The following NPAS2 variants were observed in gnomAD, a reference collection of about 807,000 sequenced individuals.
The protein encoded by NPAS2 is neuronal PAS domain-containing protein 2.
Under a neutral mutation model 107.5 loss-of-function variants are expected in NPAS2, and 23 were observed. The ratio of observed to expected loss-of-function variants is 0.21; its 90% CI spans 0.15 to 0.30. The LOEUF (loss-of-function observed/expected upper bound fraction) is 0.30, where lower values mean the gene tolerates loss of function less well. Among genes scored for constraint, NPAS2 ranks in the 10% least tolerant of loss-of-function variants. The pLI is 1.00. For missense variants in NPAS2, 756 were observed against 1,043.3 expected, an observed-to-expected ratio of 0.72 and a Z score of 3.79; for synonymous variants, 403 against 417.5, an observed-to-expected ratio of 0.97 and a Z score of 0.42.
rs571892650 is a variant in NPAS2, at chr2:100,955,720, C to T, written c.598+6240C>T. Among the ~76,000 whole-genome samples, 4 of 152,160 alleles carry T rather than the reference C, an allele frequency of 2.6e-5. No homozygotes were observed. In the South Asian group the frequency reaches 6.2e-4, roughly 24 times the overall value. On this transcript the variant is annotated intron_variant, in intron 7 of 20. Coordinates refer to ENST00000335681, the MANE Select transcript of NPAS2 (RefSeq NM_002518.4). Reference sequence around the variant, plus strand: ...GCAGCAGTGAGTGGCTGGGGAAGTTCGTCTGTGGGCTCTGTGCACTCCCCA... The same window carrying T: ...GCAGCAGTGAGTGGCTGGGGAAGTTTGTCTGTGGGCTCTGTGCACTCCCCA...
chr2:100,908,435 C>T (rs1669549388), intron 2 of NPAS2, among the ~76,000 whole-genome samples: 1 of 152,112 alleles, frequency 6.6e-6, no homozygotes, highest in Admixed American at 6.5e-5. Context: ...AGGGATTGCA[C>T]AGCCAGTTGG....
intron 16 of NPAS2, chr2:100,984,716 T>C (rs1362785448): frequency 2.0e-5 from 3 of 152,208 alleles, no homozygotes; most frequent in African/African-American, 4.8e-5. Flanking sequence ...TACTTTATTG[T>C]TGATAAACAG....
upstream of NPAS2, among the ~76,000 whole-genome samples, chr2:100,819,322 AG>A (rs1450681015): frequency 6.6e-6 from 1 of 151,914 alleles, no homozygotes; most frequent in Non-Finnish European, 1.5e-5. This position sits in a 1 kb window ranked among gnomAD's most constrained non-coding sequence, Gnocchi z 5.8. Flanking sequence ...CCTGCCGGGG[AG>A]GGGGGCAATT....
intron 1 of NPAS2, among the ~76,000 whole-genome samples, chr2:100,879,140 T>C (rs1680173265): frequency 6.6e-6 from 1 of 151,936 alleles, no homozygotes; most frequent in Non-Finnish European, 1.5e-5. Context: ...AAAAAAGCCT[T>C]CTAAATATTT....
chr2:100,942,432 G>A (rs1412115440), intron 5 of NPAS2, among the ~76,000 whole-genome samples: 2 of 150,030 alleles, frequency 1.3e-5, no homozygotes, highest in Non-Finnish European at 3.0e-5. Flanking sequence ...CATTTTGTCA[G>A]AGGTGTCCCT....
rs769153069 is a variant in NPAS2 at position 100,925,248 on chromosome 2, A to G, written c.135A>G (p.Lys45=). Residue 45 remains lysine, a synonymous_variant, in exon 3 of 21, where the codon AAA becomes AAG. Coordinates refer to ENST00000335681, the MANE Select transcript of NPAS2 (RefSeq NM_002518.4). ...CTGGCAACACGCGGAAAATGGACAA[A>G]ACCACCGTGTTGGAAAAGGTCATCG... ...MLPGNTRKMD[K]TTVLEKVIGF... is the part of the protein sequence containing the mutation. 3 of 1,614,060 alleles carry G rather than the reference A, an allele frequency of 1.9e-6. No homozygotes were observed. Among genetic ancestry groups the G allele is most frequent in the Non-Finnish European group, 2.5e-6 (3 of 1,180,002 alleles).
intron 3 of NPAS2, among the ~76,000 whole-genome samples, chr2:100,929,184 C>A (rs188124409): frequency 6.6e-6 from 1 of 152,218 alleles, no homozygotes; most frequent in Non-Finnish European, 1.5e-5. Context: ...GGATCACAGA[C>A]GTGAGCCACT....
At chr2:100,954,685 AAAAAG>A (rs1675458299) in intron 7 of NPAS2, among the ~76,000 whole-genome samples, 1 of 144,322 alleles carries the variant, frequency 6.9e-6, no homozygotes, top group African/African-American at 2.5e-5. Context: ...AAAAAAGAAA[AAAAAG>A]AAAAGAAAAA....
At chr2:100,961,136 T>C (rs1307209203) in intron 7 of NPAS2, among the ~76,000 whole-genome samples, 1 of 152,172 alleles carries the variant, frequency 6.6e-6, no homozygotes, top group African/African-American at 2.4e-5. Flanking sequence ...ATTCTTTCTA[T>C]TACTTAAATT....
chr2:100,841,564 G>A (rs1677401958), intron 1 of NPAS2, among the ~76,000 whole-genome samples: 1 of 152,166 alleles, frequency 6.6e-6, no homozygotes, highest in Admixed American at 6.5e-5. Flanking sequence ...ATCTTGCTGT[G>A]GGCCTGTGTA....
chr2:100,949,453 G>T lies in NPAS2; in HGVS notation c.571G>T (p.Val191Leu), dbSNP rs867743906. The T allele has an allele frequency of 6.2e-7, 1 of 1,609,294 alleles. No homozygotes were observed. The highest frequency in any genetic ancestry group is 8.5e-7 in the Non-Finnish European group (1 of 1,175,784). The stretch of plus-strand genomic sequence containing the variant: ...TCCAACTTATGAATACATAAAATTT[G>T]TAGGAAATTTTCGCTCTTACAACAA... Reference protein sequence around the residue: ...EFPTYEYIKFVGNFRSYNNVP... With the variant: ...EFPTYEYIKFLGNFRSYNNVP... Residue 191 changes from valine to leucine, a missense_variant, in exon 7 of 21, where the codon GTA becomes TTA. By Grantham distance (32) the Val-to-Leu change is conservative (BLOSUM62 1). This residue lies in a region of NPAS2 where 146 missense variants were observed against 249.6 expected (regional missense o/e 0.58). Coordinates refer to ENST00000335681, the MANE Select transcript of NPAS2 (RefSeq NM_002518.4).
intron 5 of NPAS2, among the ~76,000 whole-genome samples, chr2:100,943,292 T>A (rs942961258): frequency 1.1e-4 from 16 of 152,266 alleles, no homozygotes; most frequent in African/African-American, 3.9e-4. Flanking sequence ...CGATTACCAA[T>A]GAGATTGAGT....
chr2:100,834,169 C>T (rs1253016969), intron 1 of NPAS2, among the ~76,000 whole-genome samples: 1 of 152,136 alleles, frequency 6.6e-6, no homozygotes, highest in Non-Finnish European at 1.5e-5. Flanking sequence ...CCTGAAGAGG[C>T]TTCCTCACCT....
intron 1 of NPAS2, among the ~76,000 whole-genome samples, chr2:100,830,501 G>A (rs1245708628): frequency 7.0e-6 from 1 of 142,616 alleles, no homozygotes; most frequent in Non-Finnish European, 1.5e-5. Flanking sequence ...GCCCTGGTGT[G>A]TGATGTTCCC....
intron 1 of NPAS2, among the ~76,000 whole-genome samples, chr2:100,848,204 G>A (rs1164702286): frequency 1.3e-5 from 2 of 152,120 alleles, no homozygotes; most frequent in South Asian, 2.1e-4. Context: ...GATTGTTTTC[G>A]ATTTTGCAAA....
At chr2:100,866,912 G>A (rs1362497369) in intron 1 of NPAS2, among the ~76,000 whole-genome samples, 1 of 152,190 alleles carries the variant, frequency 6.6e-6, no homozygotes, top group Non-Finnish European at 1.5e-5. Context: ...CCAGTGAGTT[G>A]TGTGAGCGGG....
chr2:100,877,305 A>G (rs1680032247), intron 1 of NPAS2, among the ~76,000 whole-genome samples: 1 of 152,192 alleles, frequency 6.6e-6, no homozygotes, highest in Admixed American at 6.5e-5. Context: ...TCTACTAAAA[A>G]TACAAAAAAA....
chr2:100,989,057 C>G (rs564454020), intron 17 of NPAS2: 1 of 185,406 alleles, frequency 5.4e-6, no homozygotes, highest in East Asian at 1.9e-4. Flanking sequence ...TCCACCTATT[C>G]CAAGCCACCA....
intron 1 of NPAS2, among the ~76,000 whole-genome samples, chr2:100,879,071 C>T (rs566572281): frequency 2.1e-4 from 32 of 151,484 alleles, no homozygotes; most frequent in Non-Finnish European, 4.0e-4. Flanking sequence ...GGAGATCGCA[C>T]CACTGTGTTC....
Sources: allele counts gnomAD v4.1 joint callset (sites outside exome capture counted in the v4.1 genomes callset), GRCh38; gene constraint gnomAD v4.1.1; regional missense constraint gnomAD v4.1.1; non-coding constraint Gnocchi (gnomAD v3.1); transcripts MANE v1.5; gene names NCBI Gene and HGNC (gene_info 2026-07-23, HGNC 2026-07-21).